SUPT3H: variants seen among roughly 807,000 people sequenced by gnomAD.
The protein encoded by SUPT3H is transcription initiation protein SPT3 homolog.
Under a neutral mutation model 44.3 loss-of-function variants are expected in SUPT3H, and 44 were observed. That is an observed-to-expected ratio of 0.99 (90% CI 0.78 to 1.28). SUPT3H has a LOEUF of 1.28. Ranked by LOEUF, SUPT3H falls within the 50% of genes most tolerant of loss-of-function variation. The pLI is 0.00. For missense variants in SUPT3H, 380 were observed against 387.1 expected, an observed-to-expected ratio of 0.98 and a Z score of 0.15; for synonymous variants, 124 against 125.6, an observed-to-expected ratio of 0.99 and a Z score of 0.09.
At chr6:44,850,537 T>A (rs1772691183) in intron 10 of SUPT3H, among the ~76,000 whole-genome samples, 1 of 152,044 alleles carries the variant, frequency 6.6e-6, no homozygotes, top group African/African-American at 2.4e-5. Flanking sequence ...AGTCTGTCCC[T>A]CAGGGCCAGT....
chr6:45,186,102 A>G (rs1342932503), intron 2 of SUPT3H, among the ~76,000 whole-genome samples: 1 of 152,132 alleles, frequency 6.6e-6, no homozygotes, highest in Non-Finnish European at 1.5e-5. Context: ...GAACATCCAC[A>G]TCCTATCTGT....
chr6:45,176,400 C>A (rs1474896642), intron 2 of SUPT3H, among the ~76,000 whole-genome samples: 2 of 152,116 alleles, frequency 1.3e-5, no homozygotes, highest in African/African-American at 2.4e-5. Flanking sequence ...GAGATTATAT[C>A]TCACACCTGG....
chr6:45,352,268 T>C (rs947869148), intron 2 of SUPT3H, among the ~76,000 whole-genome samples: 2 of 152,064 alleles, frequency 1.3e-5, no homozygotes, highest in East Asian at 1.9e-4. Context: ...CAATAAAAAA[T>C]ATGAACCAAG....
rs114592447 is a variant in SUPT3H at position 45,076,310 on chromosome 6, G to A, written c.186+29612C>T. Among the ~76,000 whole-genome samples the A allele has an allele frequency of 2.0e-3, 310 of 152,236 alleles. 1 individual carries two copies. The highest frequency in any genetic ancestry group is 4.3e-3 in the South Asian group (21 of 4,828). ...GACATACAGTCATGTGAATGGTAAT[G>A]TAATGCTGACTGTATAAAATATGAA... On this transcript the variant is annotated intron_variant, in intron 3 of 10. Transcript: ENST00000371459.
intron 2 of SUPT3H, among the ~76,000 whole-genome samples, chr6:45,227,794 T>C (rs1385567845): frequency 6.6e-6 from 1 of 152,204 alleles, no homozygotes; most frequent in Non-Finnish European, 1.5e-5. Flanking sequence ...AATTATTCCT[T>C]AATTTAACAT....
chr6:45,071,330 T>C (rs1794347990), intron 3 of SUPT3H, among the ~76,000 whole-genome samples: 1 of 149,136 alleles, frequency 6.7e-6, no homozygotes, highest in East Asian at 1.9e-4. Context: ...TTGAAAAAAA[T>C]TGCAAAAGTT....
At chr6:45,179,551 C>G (rs559196027) in intron 2 of SUPT3H, among the ~76,000 whole-genome samples, 111 of 152,282 alleles carry the variant, frequency 7.3e-4, no homozygotes, top group African/African-American at 2.6e-3. Flanking sequence ...GGCTTCATCC[C>G]TGGGATGCAA....
At chr6:44,835,444 TGAGGGCACA>T (rs1769664632) in intron 10 of SUPT3H, among the ~76,000 whole-genome samples, 5 of 148,424 alleles carry the variant, frequency 3.4e-5, no homozygotes, top group Non-Finnish European at 6.0e-5. Context: ...TCTTGGGATG[TGAGGGCACA>T]GAGGGTTGAG....
chr6:44,941,333 T>C (rs1772393194), intron 9 of SUPT3H, among the ~76,000 whole-genome samples: 1 of 152,154 alleles, frequency 6.6e-6, no homozygotes. Context: ...ACTAGTGTGA[T>C]GAAGTCCCTC....
chr6:45,219,671 T>C (rs946916806), intron 2 of SUPT3H, among the ~76,000 whole-genome samples: 3 of 152,164 alleles, frequency 2.0e-5, no homozygotes, highest in Non-Finnish European at 4.4e-5. Context: ...AACAATTATC[T>C]AGGCCTAATT....
chr6:45,015,322 A>G (rs1007467678), intron 4 of SUPT3H, among the ~76,000 whole-genome samples: 1 of 152,138 alleles, frequency 6.6e-6, no homozygotes, highest in Non-Finnish European at 1.5e-5. Flanking sequence ...AAGTATTTGT[A>G]TATCTAAACA....
chr6:45,169,091 TAG>T (rs1478415325), intron 2 of SUPT3H, among the ~76,000 whole-genome samples: 1 of 152,168 alleles, frequency 6.6e-6, no homozygotes, highest in Non-Finnish European at 1.5e-5. Context: ...AGCATACAAT[TAG>T]AGTCCACATA....
At chr6:45,278,199 G>A (rs370026673) in intron 2 of SUPT3H, among the ~76,000 whole-genome samples, 112 of 152,118 alleles carry the variant, frequency 7.4e-4, no homozygotes, top group African/African-American at 2.6e-3. Flanking sequence ...TGTAGATGAC[G>A]AGTTGATGGG....
chr6:45,357,303 G>A (rs901003601), intron 2 of SUPT3H, among the ~76,000 whole-genome samples: 40 of 151,804 alleles, frequency 2.6e-4, no homozygotes, highest in Admixed American at 8.5e-4. Flanking sequence ...CACTGTGCCC[G>A]GTCAAGAATC....
At chr6:45,188,154 A>G (rs946811684) in intron 2 of SUPT3H, among the ~76,000 whole-genome samples, 22 of 152,246 alleles carry the variant, frequency 1.4e-4, no homozygotes, top group African/African-American at 4.8e-5. Context: ...TCATCCTTAT[A>G]TTATTTAATA....
At chr6:45,355,121 C>A (rs1255761741) in intron 2 of SUPT3H, among the ~76,000 whole-genome samples, 1 of 149,030 alleles carries the variant, frequency 6.7e-6, no homozygotes. Context: ...GCCACAGGAG[C>A]ATGCCAAAAG....
intron 2 of SUPT3H, among the ~76,000 whole-genome samples, chr6:45,349,027 G>T (rs1188816121): frequency 6.6e-6 from 1 of 152,188 alleles, no homozygotes; most frequent in Non-Finnish European, 1.5e-5. Flanking sequence ...TGAGTGGAAA[G>T]AGGTTTATAA....
At chr6:45,156,083 A>G (rs1438552692) in intron 2 of SUPT3H, among the ~76,000 whole-genome samples, 1 of 152,208 alleles carries the variant, frequency 6.6e-6, no homozygotes, top group East Asian at 1.9e-4. Flanking sequence ...AAGAAAAAAG[A>G]AAATAGCTTG....
chr6:44,926,446 T>A (rs921699150), intron 10 of SUPT3H, among the ~76,000 whole-genome samples: 2 of 152,158 alleles, frequency 1.3e-5, no homozygotes, highest in Non-Finnish European at 2.9e-5. Context: ...AAAGTTTTAC[T>A]GTTCATGACT....
Sources: allele counts gnomAD v4.1 joint callset (sites outside exome capture counted in the v4.1 genomes callset), GRCh38; gene constraint gnomAD v4.1.1; transcripts MANE v1.5; gene names NCBI Gene and HGNC (gene_info 2026-07-23, HGNC 2026-07-21).